FSTL5: variants seen among roughly 807,000 people sequenced by gnomAD.
FSTL5 encodes follistatin like 5.
A neutral mutation model predicts 89.1 loss-of-function variants in FSTL5; 62 were observed. The ratio of observed to expected loss-of-function variants is 0.70; its 90% CI spans 0.57 to 0.86. The LOEUF (loss-of-function observed/expected upper bound fraction) is 0.86, where lower values mean the gene tolerates loss of function less well. Ranked by LOEUF, FSTL5 falls within the 40% of genes least tolerant of loss-of-function variation. The pLI, the probability that FSTL5 is intolerant of heterozygous loss-of-function variation, is 0.00. For synonymous variants in FSTL5, 383 were observed against 346.2 expected (o/e 1.11, Z -1.18); for missense variants, 1,057 against 1,001.6 (o/e 1.06, Z -0.75).
chr4:162,065,369 A>G (rs527420495), intron 2 of FSTL5, among the ~76,000 whole-genome samples: 42 of 152,132 alleles, frequency 2.8e-4, no homozygotes, highest in Non-Finnish European at 5.2e-4. Context: ...AAGAACCCCC[A>G]AAACCTAAAT....
intron 3 of FSTL5, among the ~76,000 whole-genome samples, chr4:161,973,581 G>A (rs1253552996): frequency 6.6e-6 from 1 of 152,124 alleles, no homozygotes; most frequent in African/African-American, 2.4e-5. Context: ...ATGAGTTAAA[G>A]CATGAAAAAC....
intron 15 of FSTL5, among the ~76,000 whole-genome samples, chr4:161,437,608 A>G (rs370303682): frequency 6.6e-6 from 1 of 150,404 alleles, no homozygotes; most frequent in African/African-American, 2.4e-5. Context: ...TCTTAATCCC[A>G]TGAAAGTATC....
intron 3 of FSTL5, among the ~76,000 whole-genome samples, chr4:162,009,968 TGTTTG>T (rs1736714037): frequency 6.9e-6 from 1 of 145,448 alleles, no homozygotes; most frequent in African/African-American, 2.5e-5. Flanking sequence ...GCTTTTGTTT[TGTTTG>T]TTTTGTAAAA....
intron 8 of FSTL5, among the ~76,000 whole-genome samples, chr4:161,579,567 A>G (rs1733352284): frequency 6.6e-6 from 1 of 151,962 alleles, no homozygotes; most frequent in Non-Finnish European, 1.5e-5. Context: ...AAATATAAAA[A>G]TTAGCTGGGC....
chr4:161,615,292 T>TAAAAAAAAAAAAA (rs1734814566), intron 7 of FSTL5, among the ~76,000 whole-genome samples: 1 of 11,414 alleles, frequency 8.8e-5, no homozygotes, highest in African/African-American at 5.7e-4. Flanking sequence ...AGACTCTGTC[T>TAAAAAAAAAAAAA]CAAAAAAAAA....
At chr4:161,964,476 G>C (rs1355542590) in intron 3 of FSTL5, among the ~76,000 whole-genome samples, 1 of 151,958 alleles carries the variant, frequency 6.6e-6, no homozygotes, top group East Asian at 1.9e-4. Flanking sequence ...AGAATACAGA[G>C]TTTTAGCAGA....
intron 6 of FSTL5, among the ~76,000 whole-genome samples, chr4:161,673,350 G>A (rs998465512): frequency 6.6e-6 from 1 of 151,994 alleles, no homozygotes; most frequent in Admixed American, 6.6e-5. Flanking sequence ...AATAGTTGCA[G>A]TAAGTTACTC....
At chr4:161,571,021 G>A (rs1250259659) in intron 8 of FSTL5, among the ~76,000 whole-genome samples, 3 of 152,046 alleles carry the variant, frequency 2.0e-5, no homozygotes, top group Admixed American at 2.0e-4. Flanking sequence ...GGAGGCTGAG[G>A]CAGGAGAATC....
At chr4:161,837,888 A>T (rs1388225557) in intron 4 of FSTL5, among the ~76,000 whole-genome samples, 1 of 152,166 alleles carries the variant, frequency 6.6e-6, no homozygotes, top group Non-Finnish European at 1.5e-5. Context: ...CTATTTATAA[A>T]ATATATATAC....
chr4:161,779,764 T>TATATATATATATATATATATATAC (rs1244175042), intron 4 of FSTL5, among the ~76,000 whole-genome samples: 4 of 14,956 alleles, frequency 2.7e-4, no homozygotes, highest in South Asian at 4.3e-3. Context: ...TAAAGTTATA[T>TATATATATATATATATATATATAC]ATATATATAT....
chr4:161,934,311 T>C (rs1224725585), intron 3 of FSTL5, among the ~76,000 whole-genome samples: 1 of 152,038 alleles, frequency 6.6e-6, no homozygotes, highest in Admixed American at 6.6e-5. Flanking sequence ...TTGAGCACAG[T>C]AGAAACTCAG....
At chr4:161,558,099 C>A (rs1222788426) in intron 8 of FSTL5, among the ~76,000 whole-genome samples, 3 of 151,804 alleles carry the variant, frequency 2.0e-5, no homozygotes, top group Non-Finnish European at 2.9e-5. Flanking sequence ...AGATGGATAT[C>A]CAGATAATTA....
intron 15 of FSTL5, among the ~76,000 whole-genome samples, chr4:161,424,220 A>C (rs569863164): frequency 6.6e-6 from 1 of 151,230 alleles, no homozygotes; most frequent in Admixed American, 6.6e-5. Flanking sequence ...GTGGGAGGGG[A>C]AATAGGTTTG....
chr4:161,674,429 T>G (rs1737228187), intron 6 of FSTL5, among the ~76,000 whole-genome samples: 1 of 152,152 alleles, frequency 6.6e-6, no homozygotes, highest in Non-Finnish European at 1.5e-5. Flanking sequence ...ATTGGTTTCT[T>G]TTCCTCATTG....
At chr4:161,879,374 A>G (rs1732553410) in intron 4 of FSTL5, among the ~76,000 whole-genome samples, 1 of 152,182 alleles carries the variant, frequency 6.6e-6, no homozygotes, top group Non-Finnish European at 1.5e-5. Flanking sequence ...TATTCATGAC[A>G]CAGGAGCCAA....
Position 161,487,042 on chromosome 4 carries a change from T to G in FSTL5, c.1459-5873A>C, listed in dbSNP as rs1023545824. Among the ~76,000 whole-genome samples the G allele has an allele frequency of 2.0e-5, 3 of 152,144 alleles. No homozygotes were observed. In the South Asian group the frequency reaches 6.2e-4, roughly 31 times the overall value. On this transcript the variant is annotated intron_variant, in intron 12 of 15. Transcript: ENST00000306100. Reference sequence around the variant, plus strand: ...ACACCTACATAATTCATTCCTAACTTTGAGGTGTTTCACTGATTTTTTTCT... The same window carrying G: ...ACACCTACATAATTCATTCCTAACTGTGAGGTGTTTCACTGATTTTTTTCT...
chr4:162,024,470 C>T (rs1737206620), intron 3 of FSTL5, among the ~76,000 whole-genome samples: 1 of 152,130 alleles, frequency 6.6e-6, no homozygotes, highest in African/African-American at 2.4e-5. Context: ...TTATCTGATG[C>T]AGCTGAGCTT....
At chr4:161,866,337 G>A (rs1249117696) in intron 4 of FSTL5, among the ~76,000 whole-genome samples, 1 of 151,914 alleles carries the variant, frequency 6.6e-6, no homozygotes, top group Non-Finnish European at 1.5e-5. Context: ...ATTTTCCTTT[G>A]TTCTCTCTCC....
At chr4:161,920,966 A>G (rs544233028) in intron 3 of FSTL5, among the ~76,000 whole-genome samples, 1 of 152,264 alleles carries the variant, frequency 6.6e-6, no homozygotes, top group East Asian at 1.9e-4. Context: ...TTGACCACTT[A>G]CTAGCTTTAT....
Sources: allele counts gnomAD v4.1 joint callset (sites outside exome capture counted in the v4.1 genomes callset), GRCh38; gene constraint gnomAD v4.1.1; transcripts MANE v1.5; gene names NCBI Gene and HGNC (gene_info 2026-07-23, HGNC 2026-07-21).